Variants in YWHAE observed in about 807,000 individuals in gnomAD.
YWHAE encodes 14-3-3 protein epsilon.
YWHAE carries 4 observed loss-of-function variants against 30.1 expected under a neutral mutation model. The observed-to-expected ratio is 0.13, with a 90% confidence interval of 0.07 to 0.30. The LOEUF is 0.30. Ranked by LOEUF, YWHAE falls within the 10% of genes least tolerant of loss-of-function variation. The probability of loss-of-function intolerance (pLI) is 1.00; values close to 1 mark genes in which losing one functional copy is unlikely to be tolerated. For synonymous variants in YWHAE, 118 were observed against 111.8 expected, an observed-to-expected ratio of 1.06 and a Z score of -0.35; for missense variants, 121 against 315.9, an observed-to-expected ratio of 0.38 and a Z score of 4.68.
intron 1 of YWHAE, among the ~76,000 whole-genome samples, chr17:1,379,938 GAA>G: frequency 6.6e-6 from 1 of 152,266 alleles, no homozygotes; most frequent in East Asian, 1.9e-4. Context: ...AAGCTTTTCT[GAA>G]GAGGCCCTAT....
chr17:1,381,427 T>C (rs1167157721), intron 1 of YWHAE, among the ~76,000 whole-genome samples: 1 of 152,094 alleles, frequency 6.6e-6, no homozygotes, highest in Non-Finnish European at 1.5e-5. Flanking sequence ...GAGCATCCCT[T>C]GAACCCGGGA....
intron 4 of YWHAE, 28 bp downstream of exon 4, chr17:1,361,064 A>G (rs2072856814): frequency 6.2e-7 from 1 of 1,602,016 alleles, no homozygotes; most frequent in Non-Finnish European, 8.6e-7. Flanking sequence ...TTTCACGCTG[A>G]GCGCTGCTGT....
At chr17:1,384,639 G>A (rs2073272927) in intron 1 of YWHAE, among the ~76,000 whole-genome samples, 1 of 152,124 alleles carries the variant, frequency 6.6e-6, no homozygotes, top group South Asian at 2.1e-4. Flanking sequence ...GGTTTCACCA[G>A]GCTGGTCTTG....
At chr17:1,357,497 C>T (rs1465058274) in intron 4 of YWHAE, among the ~76,000 whole-genome samples, 3 of 150,714 alleles carry the variant, frequency 2.0e-5, no homozygotes, top group Non-Finnish European at 3.0e-5. Context: ...AGAGAATCGC[C>T]TGAACCCAGG....
At chr17:1,370,010 A>C (rs1485308406) in intron 1 of YWHAE, among the ~76,000 whole-genome samples, 6 of 150,774 alleles carry the variant, frequency 4.0e-5, no homozygotes, top group African/African-American at 1.5e-4. Context: ...TGAAGGCTGG[A>C]GTGGCCGTGG....
In YWHAE at chr17:1,345,620, G is replaced by A. The variant is rs78719979; in HGVS notation, c.716-121C>T. On this transcript the variant is annotated intron_variant, in intron 5 of 5. Transcript: ENST00000264335. ...CTACTTGCTACAATTGGTATTAAAC[G>A]CAGGCAAAGGACTTCTATCATCCTT... 2,877 of 992,456 alleles carry A rather than the reference G, an allele frequency of 2.9e-3. 46 individuals are homozygous for A. In the African/African-American group the frequency reaches 0.038, roughly 13 times the overall value. The allele number at this position is 992,456 out of a possible 1,614,324, so 61.5% of individuals were successfully genotyped here. A position where few individuals can be genotyped will look rare whatever the true frequency, so the allele number is the denominator to read the frequency against.
chr17:1,389,002 G>A lies in YWHAE; in HGVS notation c.64+11045C>T, dbSNP rs139896385. ...CCTTTTTGAGACAGGGTCTCACTATGTCACCCAGGTGGGAGTGCAGTGGTC... is the reference window on the plus strand; with the variant it reads ...CCTTTTTGAGACAGGGTCTCACTATATCACCCAGGTGGGAGTGCAGTGGTC... On this transcript the variant is annotated intron_variant, in intron 1 of 5. Coordinates refer to ENST00000264335, the MANE Select transcript of YWHAE (RefSeq NM_006761.5). Among the ~76,000 whole-genome samples the A allele has an allele frequency of 3.0e-4, 45 of 152,242 alleles. 2 individuals are homozygous for A. The East Asian group carries it at 8.3e-3, about 28-fold the overall frequency.
At chr17:1,357,914 G>GA (rs1463176646) in intron 4 of YWHAE, among the ~76,000 whole-genome samples, 1 of 150,784 alleles carries the variant, frequency 6.6e-6, no homozygotes, top group African/African-American at 2.4e-5. Context: ...GAAACACAGC[G>GA]AGACTCTCCT....
chr17:1,387,656 C>G (rs56007784), intron 1 of YWHAE, among the ~76,000 whole-genome samples: 56,563 of 151,710 alleles, frequency 0.37, 10,997 homozygotes, highest in Admixed American at 0.54. Context: ...TGGAGTCTTA[C>G]TGTTTCCCAG....
Position 1,400,095 on chromosome 17 carries a change from C to T in YWHAE, c.16G>A (p.Asp6Asn). The T allele has an allele frequency of 6.2e-7, 1 of 1,614,068 alleles. No individual in the cohort carries two copies. Among genetic ancestry groups the T allele is most frequent in the Non-Finnish European group, 8.5e-7 (1 of 1,180,004 alleles). ...GCCAGCTTCGCCTGGTACACCAGATCCTCTCGATCATCCATAGCGGCAGCG... is the reference window on the plus strand; with the variant it reads ...GCCAGCTTCGCCTGGTACACCAGATTCTCTCGATCATCCATAGCGGCAGCG... MDDRE[D>N]LVYQAKLAEQ... Residue 6 changes from aspartate (D) to asparagine (N), a missense_variant, in exon 1 of 6, where the codon GAT (aspartate) becomes AAT (asparagine). Around this residue, in one of 2 missense-constraint regions of YWHAE, gnomAD observed 99 missense variants for 289.3 expected, o/e 0.34. Coordinates refer to ENST00000264335, the MANE Select transcript of YWHAE (RefSeq NM_006761.5).
chr17:1,349,454 C>T (rs1019647890), intron 5 of YWHAE, among the ~76,000 whole-genome samples: 1 of 152,114 alleles, frequency 6.6e-6, no homozygotes, highest in African/African-American at 2.4e-5. Context: ...GTCAACAGAC[C>T]ACCTGAATTT....
At chr17:1,346,614 C>T (rs1040652238) in intron 5 of YWHAE, among the ~76,000 whole-genome samples, 3 of 152,168 alleles carry the variant, frequency 2.0e-5, no homozygotes, top group African/African-American at 7.2e-5. Context: ...TCTTCTGCGG[C>T]GGAAACGCTT....
At chr17:1,389,335 CAA>C (rs1245352208) in intron 1 of YWHAE, among the ~76,000 whole-genome samples, 1 of 152,152 alleles carries the variant, frequency 6.6e-6, no homozygotes, top group Non-Finnish European at 1.5e-5. Flanking sequence ...CAAGGTCCTA[CAA>C]AGTCTTCAGC....
chr17:1,357,032 G>A (rs2072758455), intron 4 of YWHAE, among the ~76,000 whole-genome samples: 1 of 151,624 alleles, frequency 6.6e-6, no homozygotes, highest in Admixed American at 6.6e-5. Context: ...CACTTTGGGA[G>A]GCCGAGGAGG....
rs550943166 is a variant in YWHAE at position 1,382,450 on chromosome 17, G to A, written c.65-17392C>T. Reference sequence around the variant, plus strand: ...GCTCTACCGGCAAGCTCCGCCTCCCGGGTTCTGGCCATTCTCCTGCTTCAG... The same window carrying A: ...GCTCTACCGGCAAGCTCCGCCTCCCAGGTTCTGGCCATTCTCCTGCTTCAG... On this transcript the variant is annotated intron_variant, in intron 1 of 5. Transcript: ENST00000264335. Among the ~76,000 whole-genome samples, 22 of 148,718 alleles carry A rather than the reference G, an allele frequency of 1.5e-4. 2 individuals are homozygous for A. In the South Asian group the frequency reaches 3.9e-3, roughly 26 times the overall value.
chr17:1,396,923 CTT>C (rs796641845), intron 1 of YWHAE, among the ~76,000 whole-genome samples: 29 of 137,268 alleles, frequency 2.1e-4, no homozygotes, highest in Admixed American at 2.9e-4. Context: ...CACCTGGCCT[CTT>C]TTTTTTTTTT....
chr17:1,363,507 T>TG (rs1475522109), intron 2 of YWHAE, among the ~76,000 whole-genome samples: 2 of 152,088 alleles, frequency 1.3e-5, no homozygotes, highest in African/African-American at 4.8e-5. Flanking sequence ...CTCAGGTACC[T>TG]GCCCGCCTTG....
At chr17:1,348,562 T>G (rs1263422703) in intron 5 of YWHAE, among the ~76,000 whole-genome samples, 1 of 152,236 alleles carries the variant, frequency 6.6e-6, no homozygotes, top group Non-Finnish European at 1.5e-5. Flanking sequence ...GATTCTCCTA[T>G]ATTCACCACG....
At chr17:1,364,698 A>C (rs2072917420) in intron 2 of YWHAE, 161 bp downstream of exon 2, 6 of 928,192 alleles carry the variant, frequency 6.5e-6, no homozygotes, top group Non-Finnish European at 9.7e-6. Flanking sequence ...GGGTAAGTTT[A>C]ACTTATAAAC....
Sources: allele counts gnomAD v4.1 joint callset (sites outside exome capture counted in the v4.1 genomes callset), GRCh38; gene constraint gnomAD v4.1.1; regional missense constraint gnomAD v4.1.1; transcripts MANE v1.5; gene names NCBI Gene and HGNC (gene_info 2026-07-23, HGNC 2026-07-21).